The following CSMD2 variants were observed in gnomAD, a reference collection of about 807,000 sequenced individuals.
CSMD2 encodes the protein CUB and sushi domain-containing protein 2.
Under a neutral mutation model 398.5 loss-of-function variants are expected in CSMD2, and 130 were observed. That is an observed-to-expected ratio of 0.33 (90% CI 0.28 to 0.38). The LOEUF is 0.38. Ranked by LOEUF, CSMD2 falls within the 10% of genes least tolerant of loss-of-function variation. The pLI is 1.00. For synonymous variants in CSMD2, 1,828 were observed against 1,908.5 expected (o/e 0.96, Z 1.10); for missense variants, 3,829 against 4,764.9 (o/e 0.80, Z 5.78).
Position 33,515,298 on chromosome 1 carries a change from G to A in CSMD2, c.*1326C>T, listed in dbSNP as rs1570586829. On this transcript the variant is annotated 3_prime_UTR_variant, in exon 71 of 71. Coordinates refer to ENST00000373381, the MANE Select transcript of CSMD2 (RefSeq NM_001281956.2). ...AGCCAAGGAGCCAGCACCAACCGTG[G>A]GAGGCCTGGGGAGTTGAATCCTTGC... 1 of 152,338 alleles carries A rather than the reference G, an allele frequency of 6.6e-6. No individual in the cohort carries two copies. The highest frequency in any genetic ancestry group is 1.5e-5 in the Non-Finnish European group (1 of 68,040). The allele number at this position is 152,338 out of a possible 1,614,324, so 9.4% of individuals were successfully genotyped here.
intron 3 of CSMD2, among the ~76,000 whole-genome samples, chr1:34,011,381 C>G (rs957383307): frequency 6.6e-6 from 1 of 152,112 alleles, no homozygotes; most frequent in Non-Finnish European, 1.5e-5. Context: ...GCAAAGGAGT[C>G]CCATTTCCAT....
chr1:33,750,933 T>G (rs963522631), intron 13 of CSMD2, among the ~76,000 whole-genome samples: 1 of 152,142 alleles, frequency 6.6e-6, no homozygotes, highest in Admixed American at 6.5e-5. Flanking sequence ...AAATGGAAGA[T>G]TTTAGATTTC....
intron 9 of CSMD2, among the ~76,000 whole-genome samples, chr1:33,818,205 T>C (rs948038165): frequency 2.0e-5 from 3 of 152,210 alleles, no homozygotes; most frequent in Non-Finnish European, 4.4e-5. Context: ...GTCCTCAGAC[T>C]TGATAATTCT....
intron 2 of CSMD2, among the ~76,000 whole-genome samples, chr1:34,036,882 A>G (rs1176097568): frequency 2.0e-5 from 3 of 152,210 alleles, no homozygotes; most frequent in Non-Finnish European, 4.4e-5. Context: ...TAGCATAAGA[A>G]TATGTCAATC....
chr1:34,101,449 G>A (rs2148412055), intron 1 of CSMD2, among the ~76,000 whole-genome samples: 1 of 152,280 alleles, frequency 6.6e-6, no homozygotes, highest in South Asian at 2.1e-4. Context: ...TTGGCTCTGG[G>A]TTAACAATAT....
chr1:33,822,244 G>A (rs1368572046), intron 7 of CSMD2, among the ~76,000 whole-genome samples: 3 of 152,146 alleles, frequency 2.0e-5, no homozygotes, highest in Non-Finnish European at 2.9e-5. Context: ...GAATCCCTGG[G>A]ACTCACAGGG....
At chr1:33,643,320 C>A (rs904719976) in intron 29 of CSMD2, among the ~76,000 whole-genome samples, 2 of 152,232 alleles carry the variant, frequency 1.3e-5, no homozygotes. Flanking sequence ...ATATCCCACA[C>A]TTATTACATG....
At chr1:34,117,886 T>C (rs752741990) in intron 1 of CSMD2, among the ~76,000 whole-genome samples, 1 of 152,154 alleles carries the variant, frequency 6.6e-6, no homozygotes, top group Middle Eastern at 3.2e-3. Flanking sequence ...AAAAAGCATT[T>C]GAAAAATTCA....
chr1:33,830,927 T>C (rs1659472607), intron 6 of CSMD2, among the ~76,000 whole-genome samples: 1 of 152,006 alleles, frequency 6.6e-6, no homozygotes, highest in South Asian at 2.1e-4. Context: ...GAAGATCAAA[T>C]GAATGAAATG....
intron 56 of CSMD2, among the ~76,000 whole-genome samples, chr1:33,548,873 A>T (rs1375180660): frequency 2.0e-5 from 3 of 152,208 alleles, no homozygotes; most frequent in African/African-American, 7.2e-5. Context: ...TCCAAACAGA[A>T]AGAAGCCAGG....
chr1:33,690,119 C>G (rs771989712), intron 25 of CSMD2, among the ~76,000 whole-genome samples: 1 of 152,190 alleles, frequency 6.6e-6, no homozygotes, highest in Non-Finnish European at 1.5e-5. Flanking sequence ...CAGGAGCTGT[C>G]AAAACGCAGC....
intron 22 of CSMD2, among the ~76,000 whole-genome samples, chr1:33,701,985 C>CA (rs1645627396): frequency 6.6e-6 from 1 of 152,114 alleles, no homozygotes; most frequent in African/African-American, 2.4e-5. Context: ...TTATCTTGCC[C>CA]AAAAAATCAG....
At chr1:33,568,517 T>C (rs1390884771) in intron 52 of CSMD2, among the ~76,000 whole-genome samples, 1 of 152,222 alleles carries the variant, frequency 6.6e-6, no homozygotes, top group Non-Finnish European at 1.5e-5. Flanking sequence ...GAGCATCTGC[T>C]GCATGGAGGG....
chr1:33,752,054 C>T (rs1367425562), intron 13 of CSMD2, among the ~76,000 whole-genome samples: 1 of 152,118 alleles, frequency 6.6e-6, no homozygotes, highest in African/African-American at 2.4e-5. Flanking sequence ...TTATTTGAAG[C>T]ATAAGATTCA....
At chr1:34,133,595 C>T (rs1365427667) in intron 1 of CSMD2, among the ~76,000 whole-genome samples, 2 of 151,872 alleles carry the variant, frequency 1.3e-5, no homozygotes, top group East Asian at 3.9e-4. Context: ...TGCACCACTG[C>T]ACTCCAGCTT....
chr1:34,052,495 C>CTG (rs143571706), intron 2 of CSMD2, among the ~76,000 whole-genome samples: 42,203 of 133,850 alleles, frequency 0.32, 6,824 homozygotes, highest in Middle Eastern at 0.43. Flanking sequence ...TATGGGACAA[C>CTG]TGTGTGTGTG....
intron 3 of CSMD2, among the ~76,000 whole-genome samples, chr1:33,953,121 G>C (rs994623555): frequency 6.6e-6 from 1 of 152,186 alleles, no homozygotes; most frequent in Non-Finnish European, 1.5e-5. Flanking sequence ...AAGTGATACA[G>C]GCCATGGCCA....
intron 22 of CSMD2, among the ~76,000 whole-genome samples, chr1:33,702,223 C>G (rs1379133531): frequency 6.6e-6 from 1 of 152,162 alleles, no homozygotes; most frequent in Non-Finnish European, 1.5e-5. Context: ...GACAATGAAT[C>G]TAATGTGTGG....
chr1:33,623,366 T>G lies in CSMD2; in HGVS notation c.5722+4A>C, dbSNP rs755403275. 1 of 1,613,080 alleles carries G rather than the reference T, an allele frequency of 6.2e-7. No individual in the cohort carries two copies. The highest frequency in any genetic ancestry group is 1.1e-5 in the South Asian group (1 of 91,038). ...AAATTGAAGCCCCTGGAAACCCAGC[T>G]TACCTGAGAAACTCCCCAGCATGGT... is the stretch of plus-strand genomic sequence containing the variant. On this transcript the variant is annotated splice_donor_region_variant and intron_variant, in intron 36 of 70. Transcript: ENST00000373381.
Sources: gnomAD v4.1 joint callset for allele counts (sites outside exome capture counted in the v4.1 genomes callset) on GRCh38, gnomAD v4.1.1 for gene constraint, MANE v1.5 for transcripts, NCBI Gene and HGNC (gene_info 2026-07-23, HGNC 2026-07-21) for gene names.